LEPROTL1: variants seen among roughly 807,000 people sequenced by gnomAD.
LEPROTL1 encodes the protein leptin receptor overlapping transcript like 1.
LEPROTL1 carries 6 observed loss-of-function variants against 15.4 expected under a neutral mutation model. That is an observed-to-expected ratio of 0.39 (90% confidence interval 0.21 to 0.77). The LOEUF (loss-of-function observed/expected upper bound fraction) is 0.77. Ranked by LOEUF, LEPROTL1 falls within the 30% of genes least tolerant of loss-of-function variation. LEPROTL1 has a pLI of 0.41. For synonymous variants in LEPROTL1, 56 were observed against 52.6 expected, an observed-to-expected ratio of 1.06 and a Z score of -0.28; for missense variants, 128 against 158.1, an observed-to-expected ratio of 0.81 and a Z score of 1.02.
intron 3 of LEPROTL1, 106 bp from the exon 4 acceptor site, chr8:30,105,640 A>G: frequency 1.3e-6 from 1 of 746,414 alleles, no homozygotes; most frequent in Non-Finnish European, 2.1e-6. Context: ...GTTACAAGGC[A>G]TGCTTCTTTT....
At chr8:30,116,600 T>C (rs7813128) in intron 3 of LEPROTL1, among the ~76,000 whole-genome samples, 134,357 of 152,028 alleles carry the variant, frequency 0.88, 59,948 homozygotes, top group South Asian at 0.98. Context: ...CAGTTCCTAA[T>C]AGGCCATGGA....
At chr8:30,137,862 G>T, downstream of LEPROTL1, 1 of 267,394 alleles carries the variant, frequency 3.7e-6, no homozygotes, top group South Asian at 4.3e-5. Context: ...TGCAGCTGGA[G>T]ATGACAAGAT....
At chr8:30,108,639 A>G (rs4733133), downstream of LEPROTL1, 138,076 of 151,482 alleles carry the variant, frequency 0.91, 63,283 homozygotes, top group East Asian at 1. Context: ...CATTGTCAAT[A>G]CAGATTTTTT....
At chr8:30,101,670 C>CAAAAA (rs11316779) in intron 1 of LEPROTL1, among the ~76,000 whole-genome samples, 4 of 52,712 alleles carry the variant, frequency 7.6e-5, no homozygotes, top group Admixed American at 2.9e-4. Context: ...CTCCATCTCA[C>CAAAAA]AAAAAAAAAA....
chr8:30,103,741 C>T (rs1198256156), intron 2 of LEPROTL1, among the ~76,000 whole-genome samples: 24 of 89,074 alleles, frequency 2.7e-4, no homozygotes, highest in Middle Eastern at 7.0e-3. Context: ...GACTCTGTCT[C>T]AAAAAAAAAA....
chr8:30,120,652 T>C (rs1802816745), intron 3 of LEPROTL1, among the ~76,000 whole-genome samples: 1 of 152,138 alleles, frequency 6.6e-6, no homozygotes, highest in African/African-American at 2.4e-5. Context: ...TGTCTCAGCC[T>C]CCCATGTAGC....
At chr8:30,117,298 G>A in intron 3 of LEPROTL1, 2 of 699,124 alleles carry the variant, frequency 2.9e-6, no homozygotes, top group Admixed American at 5.3e-5. Context: ...GACCAGCCTG[G>A]ACAAAATAGT....
chr8:30,109,031 C>A (rs572061885), downstream of LEPROTL1, among the ~76,000 whole-genome samples: 39 of 139,108 alleles, frequency 2.8e-4, no homozygotes, highest in Non-Finnish European at 4.9e-4. Context: ...CCTCAAACCA[C>A]CCCCCCGCCC....
downstream of LEPROTL1, chr8:30,138,259 C>G: frequency 3.3e-6 from 1 of 302,006 alleles, no homozygotes; most frequent in South Asian, 7.0e-5. Context: ...TTCTTTACTG[C>G]AATTCCCCTG....
intron 3 of LEPROTL1, among the ~76,000 whole-genome samples, chr8:30,129,766 C>CCTGAGA (rs1802967409): frequency 6.7e-6 from 1 of 148,546 alleles, no homozygotes; most frequent in African/African-American, 2.5e-5. Flanking sequence ...CAAAGAACTA[C>CCTGAGA]CTGAGACTGG....
In LEPROTL1 at chr8:30,106,504, A is replaced by G. The variant is rs1802571382; in HGVS notation, c.*642A>G. 1 of 985,714 alleles carries G rather than the reference A, an allele frequency of 1.0e-6. No individual in the cohort carries two copies. The highest frequency in any genetic ancestry group is 6.2e-5 in the Admixed American group (1 of 16,254). The allele number at this position is 985,714 out of a possible 1,614,324, so 61.1% of individuals were successfully genotyped here. A position where few individuals can be genotyped will look rare whatever the true frequency, so the allele number is the denominator to read the frequency against. On this transcript the variant is annotated 3_prime_UTR_variant, in exon 4 of 4. Coordinates refer to ENST00000321250, the MANE Select transcript of LEPROTL1 (RefSeq NM_015344.3). Reference sequence around the variant, plus strand: ...ACAGATGTTTTGTGGATTGAAAATTATTTTATGGAATTGCTACAGAGGAGT... The same window carrying G: ...ACAGATGTTTTGTGGATTGAAAATTGTTTTATGGAATTGCTACAGAGGAGT...
At chr8:30,095,879 CGA>C (rs1401862911) in intron 1 of LEPROTL1, 2 of 701,206 alleles carry the variant, frequency 2.9e-6, no homozygotes, top group East Asian at 2.7e-5. Flanking sequence ...AGTTTGCATC[CGA>C]GAGAGAGGCA....
chr8:30,120,957 A>G (rs768694152), intron 3 of LEPROTL1, among the ~76,000 whole-genome samples: 3 of 152,174 alleles, frequency 2.0e-5, no homozygotes, highest in Admixed American at 6.5e-5. Flanking sequence ...TTCATCTCGC[A>G]TGACAAACTC....
downstream of LEPROTL1, among the ~76,000 whole-genome samples, chr8:30,110,702 C>T (rs1184795721): frequency 1.3e-5 from 2 of 151,946 alleles, no homozygotes; most frequent in African/African-American, 2.4e-5. Context: ...CCACTGCACT[C>T]CAGTCTGGGT....
Position 30,105,989 on chromosome 8 carries a change from T to G in LEPROTL1, c.*127T>G. On this transcript the variant is annotated 3_prime_UTR_variant, in exon 4 of 4. Coordinates refer to ENST00000321250, the MANE Select transcript of LEPROTL1 (RefSeq NM_015344.3). ...TCTTGGGGGTATTTTAGGTGCTCCC[T>G]TCTCACTTTTATTGTAAGCATACTA... is the stretch of plus-strand genomic sequence containing the variant. 7.8e-7 allele frequency: 1 copy of G among 1,284,114 alleles called. No individual in the cohort carries two copies. Among genetic ancestry groups the G allele is most frequent in the Non-Finnish European group, 1.0e-6 (1 of 1,004,676 alleles). 79.5% of individuals were successfully genotyped at this position (1,284,114 alleles called of 1,614,324 possible).
chr8:30,103,952 C>T (rs1802513422), intron 2 of LEPROTL1, among the ~76,000 whole-genome samples: 1 of 152,076 alleles, frequency 6.6e-6, no homozygotes, highest in Non-Finnish European at 1.5e-5. Context: ...CACAGCCTGC[C>T]AGAGTCATAA....
At chr8:30,128,996 T>G (rs1304423190) in intron 3 of LEPROTL1, among the ~76,000 whole-genome samples, 1 of 152,074 alleles carries the variant, frequency 6.6e-6, no homozygotes, top group Non-Finnish European at 1.5e-5. Flanking sequence ...CTTTGTCTCC[T>G]CTGAGCTACT....
At chr8:30,121,255 T>C (rs1266850933) in intron 3 of LEPROTL1, among the ~76,000 whole-genome samples, 1 of 151,848 alleles carries the variant, frequency 6.6e-6, no homozygotes, top group Non-Finnish European at 1.5e-5. Context: ...TTTTTGTTTT[T>C]GTTTTTGTTT....
At chr8:30,104,543 CTCAA>C (rs1802528398) in intron 3 of LEPROTL1, 57 bp downstream of exon 3, 6 of 1,251,252 alleles carry the variant, frequency 4.8e-6, no homozygotes, top group Non-Finnish European at 6.5e-6. Flanking sequence ...TTACATTTTT[CTCAA>C]GCAAAGTTTT....
Sources: gnomAD v4.1 joint callset for allele counts (sites outside exome capture counted in the v4.1 genomes callset) on GRCh38, gnomAD v4.1.1 for gene constraint, MANE v1.5 for transcripts, NCBI Gene and HGNC (gene_info 2026-07-23, HGNC 2026-07-21) for gene names.